Variants in FHIP1A observed in about 807,000 individuals in gnomAD.
The protein encoded by FHIP1A is FHF complex subunit HOOK interacting protein 1A.
A neutral mutation model predicts 88.6 loss-of-function variants in FHIP1A; 61 were observed. The observed-to-expected ratio is 0.69, with a 90% CI of 0.56 to 0.85. The LOEUF is 0.85. Ranked by LOEUF, FHIP1A falls within the 40% of genes least tolerant of loss-of-function variation. The pLI is 0.00. For synonymous variants in FHIP1A, 478 were observed against 496.0 expected (o/e 0.96, Z 0.48); for missense variants, 1,154 against 1,273.5 (o/e 0.91, Z 1.43).
chr4:151,568,855 T>C (rs1295766020), intron 4 of FHIP1A, among the ~76,000 whole-genome samples: 2 of 152,076 alleles, frequency 1.3e-5, no homozygotes, highest in African/African-American at 2.4e-5. Context: ...TAGGAATAAA[T>C]GCTCAATTTC....
intron 8 of FHIP1A, among the ~76,000 whole-genome samples, chr4:151,634,936 TAATC>T (rs1345561363): frequency 1.3e-5 from 2 of 151,606 alleles, no homozygotes; most frequent in African/African-American, 4.8e-5. Context: ...TCAAATGAAA[TAATC>T]AACAAGATGA....
intron 3 of FHIP1A, among the ~76,000 whole-genome samples, chr4:151,521,021 CAT>C (rs1189056016): frequency 2.6e-5 from 4 of 152,190 alleles, no homozygotes; most frequent in Admixed American, 1.3e-4. Context: ...GGTTATAACA[CAT>C]GTCCTATGTA....
chr4:151,577,114 C>T (rs1733820826), intron 4 of FHIP1A, among the ~76,000 whole-genome samples: 2 of 152,258 alleles, frequency 1.3e-5, no homozygotes, highest in South Asian at 2.1e-4. Context: ...TAACATATCA[C>T]TTACAGTTTC....
rs1457465701 is a variant in FHIP1A at position 151,491,171 on chromosome 4, TG to T, written c.-123+8524del. Among the ~76,000 whole-genome samples, 3 of 152,140 alleles carry T rather than the reference TG, an allele frequency of 2.0e-5. No homozygotes were observed. In the East Asian group the frequency reaches 5.8e-4, roughly 29 times the overall value. ...TGGGAAATTCATTGCAAAAAGATCA[TG>T]ATCTAGGCACATAGTCATCAGGTTA... On this transcript the variant is annotated intron_variant, in intron 3 of 13. Transcript: ENST00000435205.
intron 3 of FHIP1A, among the ~76,000 whole-genome samples, chr4:151,542,843 TACCTC>T (rs1353833236): frequency 1.3e-5 from 2 of 152,230 alleles, no homozygotes; most frequent in Admixed American, 6.5e-5. Flanking sequence ...TTCAGCCACT[TACCTC>T]AGGAAGGCAA....
At chr4:151,596,774 G>C (rs2126821912) in intron 7 of FHIP1A, among the ~76,000 whole-genome samples, 1 of 151,860 alleles carries the variant, frequency 6.6e-6, no homozygotes, top group South Asian at 2.1e-4. Flanking sequence ...TCATTAAGTT[G>C]ATCTTCAATC....
chr4:151,669,740 T>C lies in FHIP1A; in HGVS notation c.*6986T>C, dbSNP rs1161921623. 1 of 152,328 alleles carries C rather than the reference T, an allele frequency of 6.6e-6. No homozygotes were observed. Among genetic ancestry groups the C allele is most frequent in the South Asian group, 2.1e-4 (1 of 4,830 alleles). The allele number at this position is 152,328 out of a possible 1,614,324, so 9.4% of individuals were successfully genotyped here. A position where few individuals can be genotyped will look rare whatever the true frequency, so the allele number is the denominator to read the frequency against. The stretch of plus-strand genomic sequence containing the variant: ...ACCTGGCTTCCCGGGTAAGGTCACA[T>C]AGTCTCTTAAAATTCTGTCACTAAT... On this transcript the variant is annotated 3_prime_UTR_variant, in exon 14 of 14. Transcript: ENST00000435205.
At chr4:151,458,875 C>T (rs1034830642) in intron 2 of FHIP1A, among the ~76,000 whole-genome samples, 5 of 148,374 alleles carry the variant, frequency 3.4e-5, no homozygotes, top group African/African-American at 1.2e-4. Flanking sequence ...ACTGGCATTT[C>T]CTGTAATATT....
intron 7 of FHIP1A, among the ~76,000 whole-genome samples, chr4:151,615,792 G>A (rs747710322): frequency 2.6e-5 from 4 of 152,150 alleles, no homozygotes; most frequent in Non-Finnish European, 4.4e-5. Flanking sequence ...GTGTGGACAG[G>A]GGGTTAGTAG....
At chr4:151,507,689 T>G (rs987431518) in intron 3 of FHIP1A, among the ~76,000 whole-genome samples, 1 of 152,134 alleles carries the variant, frequency 6.6e-6, no homozygotes. Context: ...CGATATTTAT[T>G]TTCAAAATTG....
chr4:151,650,839 G>T (rs1329063564), intron 11 of FHIP1A, among the ~76,000 whole-genome samples: 1 of 152,192 alleles, frequency 6.6e-6, no homozygotes, highest in Non-Finnish European at 1.5e-5. Context: ...TGATATGTCA[G>T]TGTTAAAACA....
chr4:151,495,926 A>G (rs897776896), intron 3 of FHIP1A, among the ~76,000 whole-genome samples: 2 of 152,076 alleles, frequency 1.3e-5, no homozygotes, highest in Admixed American at 6.6e-5. Context: ...CCTGGCCTAT[A>G]TATTCTTTTC....
intron 4 of FHIP1A, among the ~76,000 whole-genome samples, chr4:151,566,783 A>G (rs1468305927): frequency 1.3e-5 from 2 of 152,202 alleles, no homozygotes; most frequent in African/African-American, 4.8e-5. Context: ...AGTACTTCAA[A>G]TGCCTTATGT....
Position 151,663,533 on chromosome 4 carries a change from A to C in FHIP1A, c.*779A>C, listed in dbSNP as rs1410786207. ...GCAAACTATTACTTTGGTTTTTAGG[A>C]GTTTGATCAGATGAAGAAGTAATGG... On this transcript the variant is annotated 3_prime_UTR_variant, in exon 14 of 14. Transcript: ENST00000435205. 6.6e-6 allele frequency: 1 copy of C among 152,242 alleles called. No individual in the cohort carries two copies. The highest frequency in any genetic ancestry group is 1.5e-5 in the Non-Finnish European group (1 of 68,040). The allele number at this position is 152,242 out of a possible 1,614,324, so 9.4% of individuals were successfully genotyped here.
chr4:151,630,000 T>G, intron 8 of FHIP1A, 131 bp downstream of exon 8: 1 of 779,842 alleles, frequency 1.3e-6, no homozygotes, highest in Non-Finnish European at 2.0e-6. Flanking sequence ...TGGTTGTTGT[T>G]GTTTTGTGGC....
At chr4:151,590,225 C>T (rs981645968) in intron 7 of FHIP1A, among the ~76,000 whole-genome samples, 1 of 152,190 alleles carries the variant, frequency 6.6e-6, no homozygotes, top group African/African-American at 2.4e-5. Context: ...TCCATATATG[C>T]TCTCACACAT....
intron 3 of FHIP1A, among the ~76,000 whole-genome samples, chr4:151,513,336 C>T (rs182530995): frequency 3.9e-4 from 59 of 152,298 alleles, no homozygotes; most frequent in African/African-American, 1.4e-3. Context: ...CAGTACCAGC[C>T]ACTGCAAAAT....
chr4:151,600,928 A>G (rs1225918355), intron 7 of FHIP1A, among the ~76,000 whole-genome samples: 2 of 152,226 alleles, frequency 1.3e-5, no homozygotes, highest in Non-Finnish European at 2.9e-5. Flanking sequence ...TTCATTGTTC[A>G]TAGTCACACA....
intron 1 of FHIP1A, among the ~76,000 whole-genome samples, chr4:151,432,943 A>C (rs982834350): frequency 1.3e-5 from 2 of 152,170 alleles, no homozygotes; most frequent in African/African-American, 4.8e-5. Context: ...GTGAGGTACC[A>C]TTTAAACCTG....
Sources: gnomAD v4.1 joint callset for allele counts (sites outside exome capture counted in the v4.1 genomes callset) on GRCh38, gnomAD v4.1.1 for gene constraint, MANE v1.5 for transcripts, NCBI Gene and HGNC (gene_info 2026-07-23, HGNC 2026-07-21) for gene names.